The following ATAD3B variants were observed in gnomAD, a reference collection of about 807,000 sequenced individuals.
ATAD3B encodes the protein ATPase family AAA domain-containing protein 3B.
Under a neutral mutation model 70.2 loss-of-function variants are expected in ATAD3B, and 59 were observed. That is an observed-to-expected ratio of 0.84 (90% CI 0.68 to 1.04). The LOEUF (loss-of-function observed/expected upper bound fraction) is 1.04. Among genes scored for constraint, ATAD3B ranks in the 50% least tolerant of loss-of-function variants. ATAD3B has a pLI of 0.00. For synonymous variants in ATAD3B, 423 were observed against 388.6 expected (o/e 1.09, Z -1.04); for missense variants, 961 against 913.4 (o/e 1.05, Z -0.67).
At chr1:1,502,254 G>T (rs866563491), downstream of ATAD3B, among the ~76,000 whole-genome samples, 1 of 148,190 alleles carries the variant, frequency 6.7e-6, no homozygotes, top group Non-Finnish European at 1.5e-5. Flanking sequence ...TCGCTCTGTC[G>T]CCCAGGCTGG....
chr1:1,506,052 G>A, the ATAD3B span, among the ~76,000 whole-genome samples: 1 of 152,040 alleles, frequency 6.6e-6, no homozygotes, highest in Non-Finnish European at 1.5e-5. Flanking sequence ...GGCCTAAATG[G>A]TGAAACGCTG....
chr1:1,486,278 G>A, intron 10 of ATAD3B, 43 bp downstream of exon 10: 1 of 1,611,392 alleles, frequency 6.2e-7, no homozygotes, highest in South Asian at 1.1e-5. Flanking sequence ...GGCCGCTGGG[G>A]TCTCACCTGC....
chr1:1,503,055 T>A, the ATAD3B span, among the ~76,000 whole-genome samples: 88 of 150,866 alleles, frequency 5.8e-4, no homozygotes, highest in Non-Finnish European at 1.0e-3. Flanking sequence ...AAACCCTGTC[T>A]CTACTAAAAA....
chr1:1,488,835 T>G (rs1266128505), intron 12 of ATAD3B, among the ~76,000 whole-genome samples: 1 of 149,506 alleles, frequency 6.7e-6, no homozygotes, highest in East Asian at 1.9e-4. Flanking sequence ...TCAGTCAGGC[T>G]TTTTTTTTAA....
intron 12 of ATAD3B, among the ~76,000 whole-genome samples, chr1:1,488,363 T>A (rs771278098): frequency 2.6e-5 from 4 of 151,908 alleles, no homozygotes; most frequent in Non-Finnish European, 1.5e-5. Flanking sequence ...GAAGCTGGGA[T>A]TGCAGAGGCA....
At chr1:1,505,142 A>G in the ATAD3B span, among the ~76,000 whole-genome samples, 543 of 152,216 alleles carry the variant, frequency 3.6e-3, 2 homozygotes, top group Non-Finnish European at 6.5e-3. Flanking sequence ...TATTTATTGG[A>G]TACAAGACAA....
At chr1:1,487,957 G>A (rs778055023) in intron 12 of ATAD3B, 43 bp downstream of exon 12, 22 of 1,608,878 alleles carry the variant, frequency 1.4e-5, no homozygotes, top group East Asian at 4.5e-5. Context: ...GAGGGTGGTC[G>A]GGTGGGCGCG....
intron 4 of ATAD3B, among the ~76,000 whole-genome samples, chr1:1,480,609 G>A (rs577607532): frequency 3.4e-5 from 5 of 147,400 alleles, no homozygotes; most frequent in East Asian, 2.1e-4. Flanking sequence ...AGGTCGGCCC[G>A]CGGTGGCCCT....
chr1:1,481,011 G>T (rs1639885561), intron 5 of ATAD3B, 75 bp downstream of exon 5: 2 of 1,563,922 alleles, frequency 1.3e-6, no homozygotes, highest in Non-Finnish European at 1.7e-6. Flanking sequence ...CTCTGAGCCT[G>T]AGTTCTGCCG....
chr1:1,477,476 G>A (rs1199668470), intron 2 of ATAD3B, 126 bp downstream of exon 2: 11 of 1,469,188 alleles, frequency 7.5e-6, no homozygotes, highest in African/African-American at 7.0e-5. Flanking sequence ...GGCCAGGGCC[G>A]AGCTTGGGCG....
rs1167505667 is a variant in ATAD3B, at chr1:1,485,860, C to T, written c.963+22C>T. The T allele has an allele frequency of 1.5e-5, 24 of 1,612,674 alleles. 1 individual carries two copies. Among genetic ancestry groups the T allele is most frequent in the Non-Finnish European group, 1.9e-5 (23 of 1,179,494 alleles). ...TAGTGTAAGTCGGTGTGCCTGGGACCGGGGAGGTGCAGGGAGGGGACCCCG... is the reference window on the plus strand; with the variant it reads ...TAGTGTAAGTCGGTGTGCCTGGGACTGGGGAGGTGCAGGGAGGGGACCCCG... On this transcript the variant is annotated intron_variant, in intron 9 of 15. Transcript: ENST00000673477.
chr1:1,501,886 TTTG>T (rs1157185254), downstream of ATAD3B, among the ~76,000 whole-genome samples: 1 of 152,062 alleles, frequency 6.6e-6, no homozygotes, highest in Non-Finnish European at 1.5e-5. Context: ...TTTTGTTTTG[TTTG>T]TTTTTTTTGA....
rs1640838015 is a variant in ATAD3B at position 1,497,769 on chromosome 1, G to C, written c.*1952G>C. 3 of 150,732 alleles carry C rather than the reference G, an allele frequency of 2.0e-5. No homozygotes were observed. Among genetic ancestry groups the C allele is most frequent in the Non-Finnish European group, 4.4e-5 (3 of 67,872 alleles). The allele number at this position is 150,732 out of a possible 1,614,324, so 9.3% of individuals were successfully genotyped here. On this transcript the variant is annotated 3_prime_UTR_variant, in exon 16 of 16. Coordinates refer to ENST00000673477, the MANE Select transcript of ATAD3B (RefSeq NM_031921.6). Reference sequence around the variant, plus strand: ...TAATCCCAGCTACTCGGGAGGCTGAGGCAGGAGACTCGCTTGGACCTGGGA... The same window carrying C: ...TAATCCCAGCTACTCGGGAGGCTGACGCAGGAGACTCGCTTGGACCTGGGA...
downstream of ATAD3B, among the ~76,000 whole-genome samples, chr1:1,499,539 GATATT>G (rs893521073): frequency 6.0e-5 from 8 of 132,770 alleles, no homozygotes; most frequent in Non-Finnish European, 9.7e-5. Context: ...GCCATAGATA[GATATT>G]ATGTCTTCTA....
At chr1:1,509,414 G>A in the ATAD3B span, 13 of 1,596,548 alleles carry the variant, frequency 8.1e-6, no homozygotes, top group South Asian at 3.3e-5. Flanking sequence ...CTGCCTTTGC[G>A]GCCCCGCACA....
intron 7 of ATAD3B, chr1:1,484,757 G>T: frequency 3.7e-5 from 37 of 1,013,662 alleles, no homozygotes; most frequent in Non-Finnish European, 4.9e-5. Flanking sequence ...CCCGCTCAGC[G>T]ACCGAGGCTT....
downstream of ATAD3B, among the ~76,000 whole-genome samples, chr1:1,499,735 T>C (rs1640904175): frequency 1.3e-5 from 2 of 150,870 alleles, no homozygotes; most frequent in South Asian, 4.2e-4. Flanking sequence ...GCTGGGATTA[T>C]AGGCATGCGC....
chr1:1,483,021 G>C (rs1396613620), intron 7 of ATAD3B: 1 of 457,626 alleles, frequency 2.2e-6, no homozygotes, highest in African/African-American at 2.0e-5. Context: ...TGGCCAGGCG[G>C]TAGTGGCTCA....
Position 1,487,967 on chromosome 1 carries a change from G to C in ATAD3B, c.1266+53G>C, listed in dbSNP as rs191121680. The C allele has an allele frequency of 5.6e-6, 9 of 1,605,124 alleles. No homozygotes were observed. The East Asian group carries it at 1.3e-4, about 24-fold the overall frequency. ...CACAGGAGGGTGGTCGGGTGGGCGC[G>C]GCTGTCATCCTGGGCCAGGCTGCAG... On this transcript the variant is annotated intron_variant, in intron 12 of 15. Transcript: ENST00000673477.
Sources: allele counts gnomAD v4.1 joint callset (sites outside exome capture counted in the v4.1 genomes callset), GRCh38; gene constraint gnomAD v4.1.1; transcripts MANE v1.5; gene names NCBI Gene and HGNC (gene_info 2026-07-23, HGNC 2026-07-21).